Variants in UMODL1 observed in about 807,000 individuals in gnomAD.
UMODL1 encodes uromodulin like 1, also known as uromodulin-like 1.
In UMODL1, 128 loss-of-function variants were observed where a neutral mutation model predicts 136.3. The observed-to-expected ratio is 0.94, with a 90% CI of 0.81 to 1.09. The LOEUF is 1.09. Among genes scored for constraint, UMODL1 ranks in the 50% least tolerant of loss-of-function variants. UMODL1 has a pLI of 0.00. For missense variants in UMODL1, 1,766 were observed against 1,725.6 expected, an observed-to-expected ratio of 1.02 and a Z score of -0.41; for synonymous variants, 721 against 720.0, an observed-to-expected ratio of 1.00 and a Z score of -0.02.
upstream of UMODL1, among the ~76,000 whole-genome samples, chr21:42,071,093 C>T (rs988805030): frequency 1.3e-5 from 2 of 152,158 alleles, no homozygotes; most frequent in African/African-American, 4.8e-5. Flanking sequence ...ACGCAGGAGC[C>T]CCCAGGGAAA....
chr21:42,129,875 T>C (rs6586296), intron 21 of UMODL1, 78 bp downstream of exon 21: 53,931 of 1,156,508 alleles, frequency 0.047, 2,920 homozygotes, highest in East Asian at 0.23. Flanking sequence ...AATAAAAAAG[T>C]AACTGTTGTG....
chr21:42,084,550 T>A (rs1290951123), intron 3 of UMODL1, among the ~76,000 whole-genome samples: 1 of 151,944 alleles, frequency 6.6e-6, no homozygotes, highest in East Asian at 1.9e-4. Context: ...TCCAGGTAGA[T>A]TAGTTGCAGG....
intron 10 of UMODL1, 35 bp downstream of exon 10, chr21:42,109,734 C>A (rs572403618): frequency 6.9e-6 from 11 of 1,592,804 alleles, no homozygotes; most frequent in African/African-American, 2.7e-5. Context: ...TCTGGGAAGA[C>A]CCCCTGCCCG....
At chr21:42,075,096 C>T (rs2066273117) in intron 1 of UMODL1, among the ~76,000 whole-genome samples, 1 of 152,104 alleles carries the variant, frequency 6.6e-6, no homozygotes, top group South Asian at 2.1e-4. Context: ...GAGGGGCTTT[C>T]ACCATGTTAG....
At chr21:42,128,051 T>C in intron 20 of UMODL1, 1 of 662,072 alleles carries the variant, frequency 1.5e-6, no homozygotes. Flanking sequence ...CATTTCCCAT[T>C]TCTCAATGGC....
Position 42,137,449 on chromosome 21 carries a change from T to G in UMODL1, c.3786T>G (p.Pro1262=). The change falls in exon 22 of 23, where the codon CCT becomes CCG. Residue 1262 remains proline, a synonymous_variant. Transcript: ENST00000408910. The stretch of plus-strand genomic sequence containing the variant: ...TGTCTCCTCCCCGAGGTGAGCCTCC[T>G]CATGCAGAAGCAGGCCTGGGTGCCG... ...GPLIRSEGEP[P]HAEAGLGAGY... The G allele has an allele frequency of 2.5e-6, 4 of 1,614,004 alleles. No homozygotes were observed. Among genetic ancestry groups the G allele is most frequent in the Non-Finnish European group, 3.4e-6 (4 of 1,179,966 alleles).
In UMODL1 at chr21:42,075,240, A is replaced by ATGGT. The variant is rs539419990; in HGVS notation, c.77-762_77-761insTTGG. Among the ~76,000 whole-genome samples, 126 of 94,492 alleles carry ATGGT rather than the reference A, an allele frequency of 1.3e-3. No homozygotes were observed. In the South Asian group the frequency reaches 0.015, roughly 11 times the overall value. The allele number at this position is 94,492 out of a possible 152,430, so 62.0% of individuals were successfully genotyped here. A position where few individuals can be genotyped will look rare whatever the true frequency, so the allele number is the denominator to read the frequency against. The stretch of plus-strand genomic sequence containing the variant: ...TTTTTAAAAAATATTTTTGCTGGAG[A>ATGGT]TGGGGGGGGGGTTTCACCATGTTGG... On this transcript the variant is annotated intron_variant, in intron 1 of 22. Coordinates refer to ENST00000408910, the MANE Select transcript of UMODL1 (RefSeq NM_001004416.3).
intron 7 of UMODL1, chr21:42,101,822 G>A (rs184972973): frequency 4.5e-6 from 2 of 446,556 alleles, no homozygotes; most frequent in African/African-American, 2.0e-5. Context: ...CGTCGTGTGA[G>A]TACCTCCTGG....
Position 42,119,057 on chromosome 21 carries a change from G to T in UMODL1, c.2476-54G>T. On this transcript the variant is annotated intron_variant, in intron 14 of 22. Transcript: ENST00000408910. ...GGCAGGAGGAACCGCCTTGAGACGG[G>T]CATCTGTTTCCTCTCAGCGTGGGGA... The T allele has an allele frequency of 3.2e-6, 5 of 1,563,876 alleles. No individual in the cohort carries two copies. The South Asian group carries it at 4.6e-5, about 14-fold the overall frequency.
chr21:42,063,843 C>T (rs1306994992), intron 1 of UMODL1, among the ~76,000 whole-genome samples: 1 of 152,130 alleles, frequency 6.6e-6, no homozygotes, highest in Non-Finnish European at 1.5e-5. Context: ...CAGCCGTGTG[C>T]ACCAGCCTCC....
chr21:42,132,018 G>A (rs143549522), intron 21 of UMODL1, among the ~76,000 whole-genome samples: 1 of 152,292 alleles, frequency 6.6e-6, no homozygotes, highest in Non-Finnish European at 1.5e-5. Context: ...TGACTAGGGG[G>A]TGAAAAGCAC....
intron 22 of UMODL1, among the ~76,000 whole-genome samples, chr21:42,139,311 G>A (rs1009315495): frequency 3.3e-5 from 5 of 152,192 alleles, no homozygotes; most frequent in Non-Finnish European, 7.4e-5. Flanking sequence ...AGAAGACCAA[G>A]GGGAAGCAGG....
At position 42,090,327 on chromosome 21, in the gene UMODL1, A is replaced by C. The variant is rs17114359; in HGVS notation, c.820A>C (p.Asn274His). The C allele has an allele frequency of 0.21, 346,497 of 1,613,626 alleles. 39,401 individuals are homozygous for C. The highest frequency in any genetic ancestry group is 0.34 in the East Asian group (15,354 of 44,838). The change falls in exon 6 of 23, where the codon AAT (asparagine) becomes CAT (histidine). Residue 274 changes from asparagine to histidine, a missense_variant. Asn to His is a moderately conservative substitution (Grantham distance 68). Coordinates refer to ENST00000408910, the MANE Select transcript of UMODL1 (RefSeq NM_001004416.3). ...DVNECFYEELNACSGRELCAN... is the reference protein window; with the variant it reads ...DVNECFYEELHACSGRELCAN... ...CAATGAGTGTTTCTATGAGGAGCTC[A>C]ATGCCTGCTCTGGAAGGGAACTGTG...
At chr21:42,080,329 G>A (rs1038170161) in intron 2 of UMODL1, among the ~76,000 whole-genome samples, 4 of 152,182 alleles carry the variant, frequency 2.6e-5, no homozygotes, top group South Asian at 4.1e-4. Flanking sequence ...ACTGGGAAGC[G>A]TGAAGGGCAG....
chr21:42,117,083 G>GA (rs35005920), intron 14 of UMODL1, among the ~76,000 whole-genome samples: 10,931 of 148,816 alleles, frequency 0.073, 424 homozygotes, highest in East Asian at 0.15. Context: ...CTCAAAAACA[G>GA]AAAAAAAAAA....
At chr21:42,086,686 C>A in intron 4 of UMODL1, 7 of 450,854 alleles carry the variant, frequency 1.6e-5, no homozygotes, top group South Asian at 1.1e-4. Flanking sequence ...AAATAATCGG[C>A]CAGGAGTGGT....
At chr21:42,089,978 T>C (rs1395241587) in intron 5 of UMODL1, among the ~76,000 whole-genome samples, 1 of 152,176 alleles carries the variant, frequency 6.6e-6, no homozygotes, top group Non-Finnish European at 1.5e-5. Flanking sequence ...TGGGGTGGGA[T>C]GTTTTGGCCC....
intron 1 of UMODL1, among the ~76,000 whole-genome samples, chr21:42,073,088 G>A (rs2066250381): frequency 1.3e-5 from 2 of 152,224 alleles, no homozygotes. Context: ...GGACCAGCTG[G>A]GGCCATGTAA....
At chr21:42,093,800 G>A (rs2066521368) in intron 6 of UMODL1, 2 of 447,952 alleles carry the variant, frequency 4.5e-6, no homozygotes, top group African/African-American at 2.0e-5. Flanking sequence ...CATCCCCGGG[G>A]TCTCCAGGTA....
Sources: allele counts gnomAD v4.1 joint callset (sites outside exome capture counted in the v4.1 genomes callset), GRCh38; gene constraint gnomAD v4.1.1; transcripts MANE v1.5; gene names NCBI Gene and HGNC (gene_info 2026-07-23, HGNC 2026-07-21).